The following BLOC1S5 variants were observed in gnomAD, a reference collection of about 807,000 sequenced individuals.
BLOC1S5 encodes the protein biogenesis of lysosomal organelles complex 1 subunit 5.
In BLOC1S5, 27 loss-of-function variants were observed where a neutral mutation model predicts 24.3. The observed-to-expected ratio is 1.11, with a 90% CI of 0.82 to 1.53. The LOEUF is 1.53. Ranked by LOEUF, BLOC1S5 falls within the 40% of genes most tolerant of loss-of-function variation. The pLI is 0.00. For synonymous variants in BLOC1S5, 84 were observed against 74.5 expected, an observed-to-expected ratio of 1.13 and a Z score of -0.66; for missense variants, 239 against 229.4, an observed-to-expected ratio of 1.04 and a Z score of -0.27.
At chr6:8,048,963 G>A (rs1354506183) in intron 2 of BLOC1S5, among the ~76,000 whole-genome samples, 1 of 148,822 alleles carries the variant, frequency 6.7e-6, no homozygotes, top group Non-Finnish European at 1.5e-5. Flanking sequence ...GCAGTGAGTC[G>A]AGATCACACC....
intron 3 of BLOC1S5, among the ~76,000 whole-genome samples, chr6:8,032,649 AT>A (rs1763343809): frequency 6.6e-6 from 1 of 152,210 alleles, no homozygotes; most frequent in Non-Finnish European, 1.5e-5. Flanking sequence ...CGAGAAAGAA[AT>A]AAAGGGTATT....
At chr6:8,036,244 C>G (rs889667013) in intron 3 of BLOC1S5, among the ~76,000 whole-genome samples, 9 of 151,962 alleles carry the variant, frequency 5.9e-5, no homozygotes, top group Non-Finnish European at 1.3e-4. Context: ...AAATTTATAG[C>G]AGCAAAAGCC....
intron 3 of BLOC1S5, among the ~76,000 whole-genome samples, chr6:8,033,128 T>C (rs1335231994): frequency 6.6e-6 from 1 of 152,102 alleles, no homozygotes; most frequent in African/African-American, 2.4e-5. Context: ...AAAAAACTAC[T>C]TTAAACTTCA....
chr6:8,063,169 G>C (rs1757325458), intron 1 of BLOC1S5, among the ~76,000 whole-genome samples: 1 of 152,018 alleles, frequency 6.6e-6, no homozygotes, highest in South Asian at 2.1e-4. Context: ...AAACTATAAA[G>C]AAATGCACAA....
At chr6:8,048,396 T>C (rs1763975685) in intron 2 of BLOC1S5, among the ~76,000 whole-genome samples, 2 of 152,320 alleles carry the variant, frequency 1.3e-5, no homozygotes, top group African/African-American at 4.8e-5. Context: ...TTGGTCATTG[T>C]TTCTAACTTT....
intron 4 of BLOC1S5, among the ~76,000 whole-genome samples, chr6:8,017,314 G>T (rs1581390445): frequency 6.6e-6 from 1 of 152,188 alleles, no homozygotes; most frequent in South Asian, 2.1e-4. Context: ...AGAGGCGGAG[G>T]TTGCAGTGAG....
Position 8,017,704 on chromosome 6 carries a change from T to C in BLOC1S5, c.385-1876A>G, listed in dbSNP as rs147790943. ...TTTTGCATAGCTACTTCTAAAAGCCTCTCCTTTAAGACGACATTATTCTCA... is the reference window on the plus strand; with the variant it reads ...TTTTGCATAGCTACTTCTAAAAGCCCCTCCTTTAAGACGACATTATTCTCA... On this transcript the variant is annotated intron_variant, in intron 4 of 4. Transcript: ENST00000397457. 261 of 152,278 alleles carry C rather than the reference T, an allele frequency of 1.7e-3. 1 individual carries two copies. The highest frequency in any genetic ancestry group is 6.0e-3 in the African/African-American group (251 of 41,548). The allele number at this position is 152,278 out of a possible 1,614,324, so 9.4% of individuals were successfully genotyped here.
upstream of BLOC1S5, chr6:8,064,414 T>G (rs747364594): frequency 3.9e-6 from 6 of 1,558,026 alleles, no homozygotes; most frequent in Non-Finnish European, 5.2e-6. Flanking sequence ...ACGCTGCGCC[T>G]GCGCAAACCC....
At chr6:8,060,124 C>T (rs1581438782) in intron 2 of BLOC1S5, among the ~76,000 whole-genome samples, 1 of 152,070 alleles carries the variant, frequency 6.6e-6, no homozygotes, top group African/African-American at 2.4e-5. Context: ...ATTAGGGTGA[C>T]ATGATAGAGT....
chr6:8,047,174 A>T (rs879906575), intron 2 of BLOC1S5, among the ~76,000 whole-genome samples: 30,593 of 143,684 alleles, frequency 0.21, 3,730 homozygotes, highest in African/African-American at 0.28. Context: ...ACACACACAC[A>T]CACACACACA....
chr6:8,038,777 C>G (rs943876958), intron 3 of BLOC1S5, among the ~76,000 whole-genome samples: 4 of 152,192 alleles, frequency 2.6e-5, no homozygotes, highest in African/African-American at 9.7e-5. Flanking sequence ...GGCCACCACA[C>G]CCAGCCAAAA....
rs140836601 is a variant in BLOC1S5, at chr6:8,019,073, CATATTCAA to C, written c.385-3253_385-3246del. Among the ~76,000 whole-genome samples, 656 of 152,332 alleles carry C rather than the reference CATATTCAA, an allele frequency of 4.3e-3. 22 individuals are homozygous for C. In the East Asian group the frequency reaches 0.076, roughly 18 times the overall value. On this transcript the variant is annotated intron_variant, in intron 4 of 4. Transcript: ENST00000397457. ...TCAGAATATTATGAATAAAGACAAA[CATATTCAA>C]GTAGCCTGTTCACATCAGGCATATC...
In BLOC1S5 at chr6:8,015,710, T is replaced by C. The variant is rs144750136; in HGVS notation, c.503A>G (p.Glu168Gly). 2 of 1,614,034 alleles carry C rather than the reference T, an allele frequency of 1.2e-6. No homozygotes were observed. Among genetic ancestry groups the C allele is most frequent in the African/African-American group, 1.3e-5 (1 of 74,930 alleles). The change falls in exon 5 of 5, where the codon GAA (glutamate) becomes GGA (glycine). Residue 168 changes from glutamate (E) to glycine (G), a missense_variant. By Grantham distance (98) the Glu-to-Gly change is moderately conservative. Transcript: ENST00000397457. ...EVDEEHRKAMERLKEQYAEME... is the reference protein window; with the variant it reads ...EVDEEHRKAMGRLKEQYAEME... ...CTCAGCATATTGTTCTTTAAGCCTT[T>C]CCATGGCTTTTCTGTGCTCTTCATC...
At chr6:8,044,627 A>G (rs141335528) in intron 2 of BLOC1S5, among the ~76,000 whole-genome samples, 4,888 of 152,258 alleles carry the variant, frequency 0.032, 249 homozygotes, top group African/African-American at 0.11. Flanking sequence ...GCTGATGGTG[A>G]TATGAACAAT....
In BLOC1S5 at chr6:8,064,308, C is replaced by T. The variant is rs1430750768; in HGVS notation, c.69G>A (p.Arg23=). 4 of 1,613,628 alleles carry T rather than the reference C, an allele frequency of 2.5e-6. No homozygotes were observed. In the South Asian group the frequency reaches 4.4e-5, roughly 18 times the overall value. Reference sequence around the variant, plus strand: ...CTGAGCCCGCAGTCCCCAGGGAGTCCCTCTTCTTGCTGCCACCGCCCGGGG... The same window carrying T: ...CTGAGCCCGCAGTCCCCAGGGAGTCTCTCTTCTTGCTGCCACCGCCCGGGG... ...EAAPGGGSKK[R]DSLGTAGSAH... The change falls in exon 1 of 5, where the codon AGG becomes AGA. Residue 23 remains arginine, a synonymous_variant. Transcript: ENST00000397457.
intron 2 of BLOC1S5, among the ~76,000 whole-genome samples, chr6:8,058,777 C>T (rs1764415351): frequency 6.6e-6 from 1 of 152,192 alleles, no homozygotes; most frequent in South Asian, 2.1e-4. Context: ...GAAGAAAAAG[C>T]TGACGTTATA....
intron 2 of BLOC1S5, among the ~76,000 whole-genome samples, chr6:8,046,215 A>G (rs772178948): frequency 4.6e-5 from 7 of 151,998 alleles, no homozygotes; most frequent in Non-Finnish European, 8.8e-5. Flanking sequence ...CTTCTTTCTC[A>G]TTTTCACTTG....
chr6:8,037,494 A>C (rs1014434109), intron 3 of BLOC1S5, among the ~76,000 whole-genome samples: 2 of 152,232 alleles, frequency 1.3e-5, no homozygotes, highest in Admixed American at 6.5e-5. Flanking sequence ...AAAAATGGAA[A>C]GATATCCATG....
chr6:8,046,148 A>C (rs1000410482), intron 2 of BLOC1S5, among the ~76,000 whole-genome samples: 13 of 152,164 alleles, frequency 8.5e-5, no homozygotes, highest in African/African-American at 2.7e-4. Flanking sequence ...TACTATTCTC[A>C]TGACAGTGAA....
Sources: gnomAD v4.1 joint callset for allele counts (sites outside exome capture counted in the v4.1 genomes callset) on GRCh38, gnomAD v4.1.1 for gene constraint, MANE v1.5 for transcripts, NCBI Gene and HGNC (gene_info 2026-07-23, HGNC 2026-07-21) for gene names.